The following DMRT1 variants were observed in gnomAD, a reference collection of about 807,000 sequenced individuals.
The protein encoded by DMRT1 is doublesex and mab-3 related transcription factor 1, also known as doublesex- and mab-3-related transcription factor 1.
In DMRT1, 7 loss-of-function variants were observed where a neutral mutation model predicts 32.3. The ratio of observed to expected loss-of-function variants is 0.22; its 90% confidence interval spans 0.12 to 0.41. The LOEUF (loss-of-function observed/expected upper bound fraction) is 0.41. Ranked by LOEUF, DMRT1 falls within the 10% of genes least tolerant of loss-of-function variation. The pLI is 1.00. For synonymous variants in DMRT1, 278 were observed against 206.1 expected (o/e 1.35, Z -2.99); for missense variants, 625 against 500.5 (o/e 1.25, Z -2.37).
At chr9:929,344 C>G (rs1424336634) in intron 4 of DMRT1, among the ~76,000 whole-genome samples, 1 of 152,164 alleles carries the variant, frequency 6.6e-6, no homozygotes, top group Non-Finnish European at 1.5e-5. Flanking sequence ...GTTGCCCAGG[C>G]TGGACTCGAG....
In DMRT1 at chr9:894,335, CATAT is replaced by C. The variant is rs59834456; in HGVS notation, c.822+141_822+144del. On this transcript the variant is annotated intron_variant, in intron 3 of 4. Transcript: ENST00000382276. ...CAGGTGACACACACAGGTACACACA[CATAT>C]GTGTGTGTGCCATTTTGCACACATG... 22,298 of 903,880 alleles carry C rather than the reference CATAT, an allele frequency of 0.025. 419 individuals carry two copies. Among genetic ancestry groups the C allele is most frequent in the African/African-American group, 0.077 (4,704 of 61,314 alleles). The allele number at this position is 903,880 out of a possible 1,614,324, so 56.0% of individuals were successfully genotyped here. A position where few individuals can be genotyped will look rare whatever the true frequency, so the allele number is the denominator to read the frequency against.
chr9:882,046 T>A (rs753075115), intron 2 of DMRT1, among the ~76,000 whole-genome samples: 1 of 152,306 alleles, frequency 6.6e-6, no homozygotes, highest in East Asian at 1.9e-4. Context: ...TGACTCTCAT[T>A]GTAGGATTAA....
At chr9:869,342 T>G (rs780886206) in intron 2 of DMRT1, among the ~76,000 whole-genome samples, 1 of 152,236 alleles carries the variant, frequency 6.6e-6, no homozygotes, top group African/African-American at 2.4e-5. Context: ...CATCTACACT[T>G]GCATTGTGAA....
intron 4 of DMRT1, among the ~76,000 whole-genome samples, chr9:929,662 G>A (rs1024504334): frequency 1.9e-4 from 29 of 152,042 alleles, no homozygotes; most frequent in African/African-American, 6.8e-4. Context: ...CTGCTGCTCA[G>A]AATGAAAATG....
chr9:873,087 TA>T (rs1816343130), intron 2 of DMRT1, among the ~76,000 whole-genome samples: 1 of 152,196 alleles, frequency 6.6e-6, no homozygotes, highest in Admixed American at 6.5e-5. Context: ...AGGTGACATC[TA>T]AAATTAACCA....
rs925765599 is a variant in DMRT1, at chr9:881,866, A to G, written c.539-12046A>G. 8.5e-5 allele frequency among the ~76,000 whole-genome samples: 13 copies of G among 152,280 alleles called. 1 individual carries two copies. The highest frequency in any genetic ancestry group is 3.9e-4 in the Admixed American group (6 of 15,290). ...GTTTGTGGCACAACCTGCTCCTCCA[A>G]TCCGCTGGGAGGTGTTGATAGAGTC... On this transcript the variant is annotated intron_variant, in intron 2 of 4. Transcript: ENST00000382276.
intron 4 of DMRT1, among the ~76,000 whole-genome samples, chr9:961,201 G>A (rs1819760614): frequency 2.6e-5 from 4 of 152,244 alleles, no homozygotes; most frequent in African/African-American, 7.2e-5. Flanking sequence ...GGAATGCCTC[G>A]TTTTAATTCC....
intron 2 of DMRT1, among the ~76,000 whole-genome samples, chr9:881,114 C>G: frequency 6.6e-6 from 1 of 152,054 alleles, no homozygotes; most frequent in Non-Finnish European, 1.5e-5. Context: ...TATAGACCCC[C>G]CCCACCTCCT....
chr9:903,182 T>G (rs1817652733), intron 3 of DMRT1, among the ~76,000 whole-genome samples: 1 of 152,216 alleles, frequency 6.6e-6, no homozygotes, highest in South Asian at 2.1e-4. Flanking sequence ...CTCTTGGGTC[T>G]TTACAACATA....
chr9:860,337 A>G (rs895322139), intron 2 of DMRT1, among the ~76,000 whole-genome samples: 7 of 152,146 alleles, frequency 4.6e-5, no homozygotes, highest in African/African-American at 1.7e-4. Context: ...AAAATACACA[A>G]AATACAAATT....
intron 4 of DMRT1, among the ~76,000 whole-genome samples, chr9:940,497 TA>T (rs138206653): frequency 3.0e-4 from 45 of 148,974 alleles, no homozygotes; most frequent in African/African-American, 9.0e-4. Flanking sequence ...GCTATCCACA[TA>T]AAAAAAAAAT....
chr9:962,915 C>G (rs1335541563), intron 4 of DMRT1, among the ~76,000 whole-genome samples: 1 of 152,046 alleles, frequency 6.6e-6, no homozygotes, highest in African/African-American at 2.4e-5. Context: ...CCAGTGCTCC[C>G]CCAACCTCTG....
intron 3 of DMRT1, chr9:894,846 CT>C: frequency 6.4e-6 from 1 of 157,198 alleles, no homozygotes; most frequent in Admixed American, 6.2e-5. Flanking sequence ...CAGAGTCTCG[CT>C]CTGTTGCCCA....
chr9:904,456 C>G (rs1255975366), intron 3 of DMRT1, among the ~76,000 whole-genome samples: 1 of 152,104 alleles, frequency 6.6e-6, no homozygotes, highest in Non-Finnish European at 1.5e-5. Context: ...CCTGTTTTTT[C>G]AATACCATAA....
chr9:905,724 T>A (rs2129704756), intron 3 of DMRT1, among the ~76,000 whole-genome samples: 1 of 152,258 alleles, frequency 6.6e-6, no homozygotes, highest in East Asian at 1.9e-4. Flanking sequence ...AGTGTCACGC[T>A]GCTGGGCACT....
At chr9:851,663 T>G (rs1432181372) in intron 2 of DMRT1, among the ~76,000 whole-genome samples, 2 of 152,110 alleles carry the variant, frequency 1.3e-5, no homozygotes, top group Non-Finnish European at 2.9e-5. Flanking sequence ...CTGAGGACAC[T>G]TAGAAGGAAA....
At chr9:912,779 C>A (rs557453317) in intron 3 of DMRT1, among the ~76,000 whole-genome samples, 1 of 151,964 alleles carries the variant, frequency 6.6e-6, no homozygotes, top group African/African-American at 2.4e-5. Context: ...TTCTCAATCT[C>A]GGTGTCATAT....
intron 3 of DMRT1, among the ~76,000 whole-genome samples, chr9:901,984 C>T (rs1817599050): frequency 6.7e-6 from 1 of 149,240 alleles, no homozygotes; most frequent in African/African-American, 2.5e-5. Context: ...GCGATCTCAG[C>T]CCACTGCAAC....
Position 968,286 on chromosome 9 carries a change from C to A in DMRT1, c.*147C>A. ...TATTCCTTAGAGTTTAGTCCAGAGG[C>A]TGTAACACATTTGTAATACTTTAGG... On this transcript the variant is annotated 3_prime_UTR_variant, in exon 5 of 5. Transcript: ENST00000382276. 1.1e-6 allele frequency: 1 copy of A among 930,406 alleles called. No homozygotes were observed. Among genetic ancestry groups the A allele is most frequent in the Non-Finnish European group, 1.6e-6 (1 of 612,020 alleles). 57.6% of individuals were successfully genotyped at this position (930,406 alleles called of 1,614,324 possible).
Sources: allele counts gnomAD v4.1 joint callset (sites outside exome capture counted in the v4.1 genomes callset), GRCh38; gene constraint gnomAD v4.1.1; transcripts MANE v1.5; gene names NCBI Gene and HGNC (gene_info 2026-07-23, HGNC 2026-07-21).